Variants in PABIR2 observed in about 807,000 individuals in gnomAD.
PABIR2 encodes the protein PABIR family member 2.
Under a neutral mutation model 22.8 loss-of-function variants are expected in PABIR2, and 7 were observed. That is an observed-to-expected ratio of 0.31 (90% CI 0.17 to 0.58). The LOEUF is 0.58. Among genes scored for constraint, PABIR2 ranks in the 20% least tolerant of loss-of-function variants. The pLI, the probability that PABIR2 is intolerant of heterozygous loss-of-function variation, is 0.89. For synonymous variants in PABIR2, 67 were observed against 73.8 expected (o/e 0.91, Z 0.47); for missense variants, 155 against 205.1 (o/e 0.76, Z 1.49).
At position 134,772,216 on chromosome X, in the gene PABIR2, C is replaced by T. The variant is rs148133905; in HGVS notation, c.727G>A (p.Ala243Thr). Residue 243 changes from alanine (A) to threonine (T), a missense_variant, in exon 10 of 10, where the codon GCT (alanine) becomes ACT (threonine). Coordinates refer to ENST00000343004, the MANE Select transcript of PABIR2 (RefSeq NM_001387468.1). ...CATGCTACTGGAGACTCTGCGGTAG[C>T]GCTGCCTTTAGCCAGCGGGTCTGAG... The part of the protein sequence containing the change: ...LSSDPLAKGS[A>T]TAESPVACSN... 325 of 1,205,608 alleles carry T rather than the reference C, an allele frequency of 2.7e-4. No individual in the cohort carries two copies. The African/African-American group carries it at 5.0e-3, about 19-fold the overall frequency.
At chrX:134,778,206 T>C (rs1164143827) in intron 9 of PABIR2, among the ~76,000 whole-genome samples, 2 of 102,106 alleles carry the variant, frequency 2.0e-5, no homozygotes, top group East Asian at 6.7e-4. Flanking sequence ...GATCCAGTTT[T>C]TATATAAAAA....
chrX:134,780,820 A>C (rs2079137657), intron 9 of PABIR2, among the ~76,000 whole-genome samples: 1 of 112,362 alleles, frequency 8.9e-6, no homozygotes, highest in African/African-American at 3.2e-5. Flanking sequence ...AAAACACTGA[A>C]GGCCCTTAAA....
intron 9 of PABIR2, among the ~76,000 whole-genome samples, chrX:134,780,784 T>G (rs2079136668): frequency 1.8e-5 from 2 of 111,787 alleles, no homozygotes; most frequent in South Asian, 7.3e-4. Context: ...ACTTCAGGTA[T>G]AGGAAAAGAA....
chrX:134,795,792 G>T (rs1178316763), intron 1 of PABIR2, among the ~76,000 whole-genome samples: 1 of 111,965 alleles, frequency 8.9e-6, no homozygotes, highest in African/African-American at 3.2e-5. Context: ...CAGGGGCTTC[G>T]ATCTGACATT....
chrX:134,787,984 T>C (rs771747232), intron 6 of PABIR2, among the ~76,000 whole-genome samples: 115 of 107,683 alleles, frequency 1.1e-3, no homozygotes, highest in African/African-American at 2.9e-3. Context: ...ACAATATCTT[T>C]AGAATTGCTT....
rs905677042 is a variant in PABIR2 at position 134,771,164 on chromosome X, T to G, written c.*975A>C. 36 of 528,338 alleles carry G rather than the reference T, an allele frequency of 6.8e-5. No individual in the cohort carries two copies. Among genetic ancestry groups the G allele is most frequent in the Non-Finnish European group, 9.6e-5 (35 of 363,943 alleles). The allele number at this position is 528,338 out of a possible 1,213,427, so 43.5% of individuals were successfully genotyped here. A position where few individuals can be genotyped will look rare whatever the true frequency, so the allele number is the denominator to read the frequency against. On this transcript the variant is annotated 3_prime_UTR_variant, in exon 10 of 10. Coordinates refer to ENST00000343004, the MANE Select transcript of PABIR2 (RefSeq NM_001387468.1). ...ATAAGGCCCCTCTTCCACCATACCT[T>G]ATGATATACATCCCTTATAGCATGA...
At chrX:134,775,515 T>G (rs2078949675) in intron 9 of PABIR2, among the ~76,000 whole-genome samples, 1 of 71,776 alleles carries the variant, frequency 1.4e-5, no homozygotes, top group Admixed American at 1.8e-4. Flanking sequence ...CAAGACTCCG[T>G]CTCAAAAAAA....
At chrX:134,778,852 G>A (rs1434903678) in intron 9 of PABIR2, among the ~76,000 whole-genome samples, 4 of 109,195 alleles carry the variant, frequency 3.7e-5, no homozygotes, top group Non-Finnish European at 5.7e-5. Context: ...TCGCTCTGTC[G>A]CCCAGGCTGG....
chrX:134,775,309 T>C (rs769144949), intron 9 of PABIR2, among the ~76,000 whole-genome samples: 46 of 110,312 alleles, frequency 4.2e-4, no homozygotes, highest in Non-Finnish European at 7.6e-4. Context: ...GGTGGGCGGA[T>C]CACGAAGTCA....
chrX:134,794,116 CG>C (rs747978922), intron 1 of PABIR2: 5 of 599,901 alleles, frequency 8.3e-6, no homozygotes, highest in Non-Finnish European at 1.0e-5. Flanking sequence ...TCTCAGTGGT[CG>C]GGGGGCAGCT....
At chrX:134,795,849 A>C (rs1484937311) in intron 1 of PABIR2, among the ~76,000 whole-genome samples, 1 of 111,438 alleles carries the variant, frequency 9.0e-6, no homozygotes, top group African/African-American at 3.3e-5. Flanking sequence ...GAAGAGCCAG[A>C]AGCTTTCTGC....
chrX:134,789,332 C>T (rs1054267388), intron 3 of PABIR2, 66 bp from the exon 4 acceptor site: 24 of 1,157,397 alleles, frequency 2.1e-5, no homozygotes, highest in Non-Finnish European at 2.6e-5. Flanking sequence ...CTTCCACACA[C>T]TGCAATTTTT....
At chrX:134,792,966 A>G in intron 2 of PABIR2, among the ~76,000 whole-genome samples, 1 of 112,112 alleles carries the variant, frequency 8.9e-6, no homozygotes, top group South Asian at 3.7e-4. Flanking sequence ...CCACAAACTA[A>G]TTTTTTAAAA....
At chrX:134,793,465 A>T (rs1384903152) in intron 2 of PABIR2, among the ~76,000 whole-genome samples, 3 of 112,628 alleles carry the variant, frequency 2.7e-5, no homozygotes, top group Non-Finnish European at 5.6e-5. Flanking sequence ...AGAAACAAAC[A>T]CTCTGCTACC....
intron 6 of PABIR2, 119 bp from the exon 7 acceptor site, chrX:134,787,652 T>C: frequency 1.5e-6 from 1 of 674,258 alleles, no homozygotes; most frequent in Non-Finnish European, 2.1e-6. Context: ...GGGTCTCTCT[T>C]TTGCTCAAGC....
rs753330131 is a variant in PABIR2, at chrX:134,783,483, T to C, written c.563-1566A>G. 3.6e-5 allele frequency among the ~76,000 whole-genome samples: 4 copies of C among 112,341 alleles called. No individual in the cohort carries two copies. In the South Asian group the frequency reaches 1.5e-3, roughly 41 times the overall value. On this transcript the variant is annotated intron_variant, in intron 8 of 9. Coordinates refer to ENST00000343004, the MANE Select transcript of PABIR2 (RefSeq NM_001387468.1). ...GGCTCACGCCTGTAATCCCAGCATT[T>C]TGGGAGGCCGAGGCAGGCAATCACC...
At chrX:134,785,798 T>C (rs1220414049) in intron 8 of PABIR2, 88 bp downstream of exon 8, 1 of 905,429 alleles carries the variant, frequency 1.1e-6, no homozygotes, top group African/African-American at 2.0e-5. Context: ...CGTATGTGTG[T>C]GGTAAGAACA....
rs955612444 is a variant in PABIR2 at position 134,771,003 on chromosome X, C to T, written c.*1136G>A. 3 of 226,034 alleles carry T rather than the reference C, an allele frequency of 1.3e-5. No homozygotes were observed. The Admixed American group carries it at 2.1e-4, about 16-fold the overall frequency. 18.6% of individuals were successfully genotyped at this position (226,034 alleles called of 1,213,427 possible). A position where few individuals can be genotyped will look rare whatever the true frequency, so the allele number is the denominator to read the frequency against. On this transcript the variant is annotated 3_prime_UTR_variant, in exon 10 of 10. Transcript: ENST00000343004. ...CACAATAACTATAAGGCAGTAAGAACAAGAACTGGATTCTGATTCTGGCAG... is the reference window on the plus strand; with the variant it reads ...CACAATAACTATAAGGCAGTAAGAATAAGAACTGGATTCTGATTCTGGCAG...
At position 134,771,363 on chromosome X, in the gene PABIR2, A is replaced by G; in HGVS notation, c.*776T>C. On this transcript the variant is annotated 3_prime_UTR_variant, in exon 10 of 10. Transcript: ENST00000343004. ...CTCCTTGATAACACCACCTAGAAAT[A>G]TCAACAATATTTTATATATTCCTTA... 1 of 1,151,056 alleles carries G rather than the reference A, an allele frequency of 8.7e-7. No homozygotes were observed. The highest frequency in any genetic ancestry group is 3.3e-5 in the East Asian group (1 of 30,542). 94.9% of individuals were successfully genotyped at this position (1,151,056 alleles called of 1,213,427 possible).
Sources: allele counts gnomAD v4.1 joint callset (sites outside exome capture counted in the v4.1 genomes callset), GRCh38; gene constraint gnomAD v4.1.1; transcripts MANE v1.5; gene names NCBI Gene and HGNC (gene_info 2026-07-23, HGNC 2026-07-21).